The following AGFG1 variants were observed in gnomAD, a reference collection of about 807,000 sequenced individuals.
The protein encoded by AGFG1 is arf-GAP domain and FG repeat-containing protein 1.
A neutral mutation model predicts 60.6 loss-of-function variants in AGFG1; 10 were observed. The observed-to-expected ratio is 0.16, with a 90% CI of 0.10 to 0.28. The LOEUF (loss-of-function observed/expected upper bound fraction) is 0.28, where lower values mean the gene tolerates loss of function less well. Ranked by LOEUF, AGFG1 falls within the 10% of genes least tolerant of loss-of-function variation. The pLI is 1.00. For synonymous variants in AGFG1, 247 were observed against 242.9 expected, an observed-to-expected ratio of 1.02 and a Z score of -0.16; for missense variants, 537 against 676.5, an observed-to-expected ratio of 0.79 and a Z score of 2.29.
chr2:227,552,599 G>GT, intron 11 of AGFG1, among the ~76,000 whole-genome samples: 1 of 151,232 alleles, frequency 6.6e-6, no homozygotes, highest in East Asian at 1.9e-4. Flanking sequence ...ACATTTTTAC[G>GT]TATTTCATTT....
chr2:227,554,372 T>G, intron 12 of AGFG1, 64 bp from the exon 13 acceptor site: 1 of 1,336,912 alleles, frequency 7.5e-7, no homozygotes, highest in Non-Finnish European at 1.0e-6. Context: ...CAGTTTAATG[T>G]TTTTATATTT....
At chr2:227,508,676 A>G (rs1021837596) in intron 2 of AGFG1, 5 of 451,160 alleles carry the variant, frequency 1.1e-5, no homozygotes, top group African/African-American at 1.1e-4. Context: ...TTGGAATGGA[A>G]ACACTGTTGG....
chr2:227,549,932 T>C, intron 10 of AGFG1: 1 of 316,318 alleles, frequency 3.2e-6, no homozygotes, highest in South Asian at 2.6e-5. Flanking sequence ...TTGTTATGTA[T>C]TATGCTACCC....
chr2:227,492,276 A>G (rs537471437), intron 2 of AGFG1, among the ~76,000 whole-genome samples: 1 of 152,066 alleles, frequency 6.6e-6, no homozygotes, highest in East Asian at 1.9e-4. Context: ...AATTTTTCTA[A>G]TATTTTTAAA....
In AGFG1 at chr2:227,555,343, A is replaced by C. The variant is rs1055967701; in HGVS notation, c.*848A>C. 2.0e-5 allele frequency: 3 copies of C among 152,576 alleles called. No individual in the cohort carries two copies. Among genetic ancestry groups the C allele is most frequent in the African/African-American group, 7.2e-5 (3 of 41,448 alleles). 9.5% of individuals were successfully genotyped at this position (152,576 alleles called of 1,614,324 possible). A position where few individuals can be genotyped will look rare whatever the true frequency, so the allele number is the denominator to read the frequency against. On this transcript the variant is annotated 3_prime_UTR_variant, in exon 13 of 13. Coordinates refer to ENST00000310078, the MANE Select transcript of AGFG1 (RefSeq NM_004504.5). ...TTGTCAGATTTACCATAATCCTACT[A>C]ATTTCTTTGCAGCTTATTAATTTTG...
At chr2:227,550,048 CT>C in intron 10 of AGFG1, 1 of 452,138 alleles carries the variant, frequency 2.2e-6, no homozygotes, top group African/African-American at 2.0e-5. Flanking sequence ...CTCTTTATGG[CT>C]TTCCATAAGG....
intron 10 of AGFG1, among the ~76,000 whole-genome samples, chr2:227,550,525 G>A (rs1559202252): frequency 6.6e-6 from 1 of 150,992 alleles, no homozygotes; most frequent in Non-Finnish European, 1.5e-5. Flanking sequence ...AAGTTACGTC[G>A]GTGCATTGTC....
chr2:227,472,337 C>A lies in AGFG1; in HGVS notation c.-85C>A. 1.1e-6 allele frequency: 1 copy of A among 894,168 alleles called. No homozygotes were observed. Among genetic ancestry groups the A allele is most frequent in the Non-Finnish European group, 1.3e-6 (1 of 746,906 alleles). The allele number at this position is 894,168 out of a possible 1,614,324, so 55.4% of individuals were successfully genotyped here. The stretch of plus-strand genomic sequence containing the variant: ...GCAGACGGAGGGCGGCGGCCGCGGC[C>A]AGGGCGGCCCGTGGGACCGCGGGCC... On this transcript the variant is annotated 5_prime_UTR_variant, in exon 1 of 13. Coordinates refer to ENST00000310078, the MANE Select transcript of AGFG1 (RefSeq NM_004504.5).
At chr2:227,543,258 A>T (rs1692547392) in intron 10 of AGFG1, among the ~76,000 whole-genome samples, 1 of 152,034 alleles carries the variant, frequency 6.6e-6, no homozygotes, top group Middle Eastern at 3.4e-3. Flanking sequence ...TAGGGTGTTA[A>T]TTTTATATCT....
At chr2:227,517,269 T>C (rs1691679728) in intron 2 of AGFG1, among the ~76,000 whole-genome samples, 1 of 151,946 alleles carries the variant, frequency 6.6e-6, no homozygotes, top group Non-Finnish European at 1.5e-5. Flanking sequence ...ACAAGAAATA[T>C]ATATATAGAC....
Position 227,523,645 on chromosome 2 carries a change from G to T in AGFG1, c.378-118G>T, listed in dbSNP as rs1037782832. 5 of 975,272 alleles carry T rather than the reference G, an allele frequency of 5.1e-6. No homozygotes were observed. In the South Asian group the frequency reaches 1.0e-4, roughly 19 times the overall value. 60.4% of individuals were successfully genotyped at this position (975,272 alleles called of 1,614,324 possible). The stretch of plus-strand genomic sequence containing the variant: ...ATGCAAAGTTATTCTGTGTGAGAGG[G>T]TTTTCAGATAAGATTAATGGTGAAA... On this transcript the variant is annotated intron_variant, in intron 3 of 12. Transcript: ENST00000310078.
intron 5 of AGFG1, among the ~76,000 whole-genome samples, chr2:227,530,717 G>T (rs1029195950): frequency 7.9e-5 from 12 of 152,014 alleles, no homozygotes; most frequent in African/African-American, 2.9e-4. Context: ...TTTAATCAGT[G>T]AATTTTTCCA....
At chr2:227,553,922 T>G (rs533849213) in intron 12 of AGFG1, 127 bp downstream of exon 12, 4 of 662,592 alleles carry the variant, frequency 6.0e-6, no homozygotes, top group African/African-American at 3.6e-5. Context: ...ATCATAAGAT[T>G]GTACAAATTG....
intron 2 of AGFG1, among the ~76,000 whole-genome samples, chr2:227,509,108 CAG>C (rs1190236179): frequency 6.6e-6 from 1 of 152,136 alleles, no homozygotes; most frequent in African/African-American, 2.4e-5. Flanking sequence ...GGGGGACAAA[CAG>C]TGACTTTAAA....
chr2:227,539,442 C>CAA (rs542351308), intron 10 of AGFG1, among the ~76,000 whole-genome samples: 2 of 39,484 alleles, frequency 5.1e-5, no homozygotes, highest in Non-Finnish European at 1.2e-4. Context: ...GACTCTGTCT[C>CAA]AAAAAAAACA....
At chr2:227,506,558 TAAAAAA>T (rs5839223) in intron 2 of AGFG1, among the ~76,000 whole-genome samples, 2 of 106,306 alleles carry the variant, frequency 1.9e-5, no homozygotes, top group African/African-American at 3.7e-5. Context: ...TGATGTTCCT[TAAAAAA>T]AAAAAAAAAA....
rs1255419594 is a variant in AGFG1, at chr2:227,557,704, T to C, written c.*3209T>C. ...AACTAATGAGAACAGGAACATTGTTTTACATTTTATGCATTTAAATCTGGC... is the reference window on the plus strand; with the variant it reads ...AACTAATGAGAACAGGAACATTGTTCTACATTTTATGCATTTAAATCTGGC... On this transcript the variant is annotated 3_prime_UTR_variant, in exon 13 of 13. Coordinates refer to ENST00000310078, the MANE Select transcript of AGFG1 (RefSeq NM_004504.5). 1 of 152,210 alleles carries C rather than the reference T, an allele frequency of 6.6e-6. No homozygotes were observed. The highest frequency in any genetic ancestry group is 2.4e-5 in the African/African-American group (1 of 41,460). The allele number at this position is 152,210 out of a possible 1,614,324, so 9.4% of individuals were successfully genotyped here.
chr2:227,503,285 C>T (rs770581371), intron 2 of AGFG1, among the ~76,000 whole-genome samples: 9 of 151,276 alleles, frequency 5.9e-5, no homozygotes, highest in African/African-American at 1.5e-4. Flanking sequence ...GGGTTATATG[C>T]TCTCTATTAT....
At chr2:227,506,022 A>G (rs1251414328) in intron 2 of AGFG1, among the ~76,000 whole-genome samples, 1 of 152,176 alleles carries the variant, frequency 6.6e-6, no homozygotes, top group East Asian at 1.9e-4. Context: ...GATTACAGGC[A>G]TGAGCCACTG....
Sources: gnomAD v4.1 joint callset for allele counts (sites outside exome capture counted in the v4.1 genomes callset) on GRCh38, gnomAD v4.1.1 for gene constraint, MANE v1.5 for transcripts, NCBI Gene and HGNC (gene_info 2026-07-23, HGNC 2026-07-21) for gene names.